The following RIC1 variants were observed in gnomAD, a reference collection of about 807,000 sequenced individuals.
RIC1 encodes guanine nucleotide exchange factor subunit RIC1.
A neutral mutation model predicts 169.0 loss-of-function variants in RIC1; 88 were observed. The ratio of observed to expected loss-of-function variants is 0.52; its 90% CI spans 0.44 to 0.62. The LOEUF is 0.62. Ranked by LOEUF, RIC1 falls within the 20% of genes least tolerant of loss-of-function variation. The pLI is 0.00. For synonymous variants in RIC1, 790 were observed against 601.5 expected (o/e 1.31, Z -4.59); for missense variants, 1,877 against 1,725.5 (o/e 1.09, Z -1.56).
At chr9:5,644,349 CATA>C (rs1025551313) in intron 1 of RIC1, among the ~76,000 whole-genome samples, 4 of 152,086 alleles carry the variant, frequency 2.6e-5, no homozygotes, top group African/African-American at 7.2e-5. Context: ...TTTTATTTAG[CATA>C]ATGTTTTTGA....
intron 4 of RIC1, among the ~76,000 whole-genome samples, chr9:5,718,695 C>T (rs921307528): frequency 6.6e-6 from 1 of 152,140 alleles, no homozygotes; most frequent in Non-Finnish European, 1.5e-5. Context: ...AAATGATACA[C>T]ATAGATTTTA....
chr9:5,636,084 A>T (rs1469856238), intron 1 of RIC1, among the ~76,000 whole-genome samples: 1 of 152,184 alleles, frequency 6.6e-6, no homozygotes, highest in Admixed American at 6.5e-5. Context: ...TTTTCTGTTT[A>T]TGTGAAAATA....
chr9:5,629,321 G>A lies in RIC1; in HGVS notation c.12G>A (p.Leu4=). The A allele has an allele frequency of 6.6e-7, 1 of 1,524,004 alleles. No homozygotes were observed. Among genetic ancestry groups the A allele is most frequent in the African/African-American group, 1.4e-5 (1 of 71,682 alleles). The allele number at this position is 1,524,004 out of a possible 1,614,324, so 94.4% of individuals were successfully genotyped here. A position where few individuals can be genotyped will look rare whatever the true frequency, so the allele number is the denominator to read the frequency against. MYF[L]SGWPKRLLCP... is the part of the protein sequence containing the mutation. ...GCTCCGCACGGACCATGTATTTTCT[G>A]AGCGGCTGGCCCAAGAGGCTGCTGT... is the stretch of plus-strand genomic sequence containing the variant. Residue 4 remains leucine, a synonymous_variant, in exon 1 of 26, where the codon CTG becomes CTA. Transcript: ENST00000414202.
rs763515150 is a variant in RIC1, at chr9:5,772,741, G to A, written c.3794G>A (p.Arg1265Gln). 1 of 1,604,240 alleles carries A rather than the reference G, an allele frequency of 6.2e-7. No individual in the cohort carries two copies. The highest frequency in any genetic ancestry group is 1.1e-5 in the South Asian group (1 of 89,198). Residue 1265 changes from arginine (R) to glutamine (Q), a missense_variant and splice_region_variant, in exon 24 of 26, where the codon CGG becomes CAG. This residue lies in a region of RIC1 where 681 missense variants were observed against 582.0 expected (regional missense o/e 1.17). Coordinates refer to ENST00000414202, the MANE Select transcript of RIC1 (RefSeq NM_020829.4). ...CCTCATAAATCCCAGGTCCAGCTTC[G>A]GTGAGTTTCTTGGCTATTTGAAATC... is the stretch of plus-strand genomic sequence containing the variant. ...KGPHKSQVQL[R>Q]YLLHIFMEAG...
Position 5,631,873 on chromosome 9 carries a change from ATGTAAGTTAATTAGGT to A in RIC1, c.144+2422_144+2437del, listed in dbSNP as rs553110980. 4.6e-5 allele frequency among the ~76,000 whole-genome samples: 7 copies of A among 152,298 alleles called. No individual in the cohort carries two copies. The East Asian group carries it at 1.4e-3, about 29-fold the overall frequency. On this transcript the variant is annotated intron_variant, in intron 1 of 25. Transcript: ENST00000414202. ...TCTAATTTGTAAACTTCCTGAAAGT[ATGTAAGTTAATTAGGT>A]TAACAAACTTCATTTAAAAGTGAAA...
At chr9:5,675,184 G>T (rs772925423) in intron 2 of RIC1, among the ~76,000 whole-genome samples, 13 of 152,148 alleles carry the variant, frequency 8.5e-5, no homozygotes, top group Admixed American at 7.2e-4. Flanking sequence ...ATTCCGATTG[G>T]CTAATTTAAA....
At chr9:5,640,569 A>G (rs1295810995) in intron 1 of RIC1, among the ~76,000 whole-genome samples, 1 of 152,224 alleles carries the variant, frequency 6.6e-6, no homozygotes. Context: ...TAAAATAAGA[A>G]TCATTGTTAG....
At chr9:5,631,353 G>T (rs1162420894) in intron 1 of RIC1, among the ~76,000 whole-genome samples, 1 of 152,090 alleles carries the variant, frequency 6.6e-6, no homozygotes, top group African/African-American at 2.4e-5. Context: ...TAGAGGTCTG[G>T]AGTGAAATGA....
chr9:5,633,669 ACAAT>A (rs1817830129), intron 1 of RIC1, among the ~76,000 whole-genome samples: 1 of 152,174 alleles, frequency 6.6e-6, no homozygotes, highest in Non-Finnish European at 1.5e-5. Flanking sequence ...GTTGATAATC[ACAAT>A]CAGTCTAATT....
Position 5,775,626 on chromosome 9 carries a change from C to G in RIC1, c.*1380C>G, listed in dbSNP as rs992455338. The stretch of plus-strand genomic sequence containing the variant: ...GTTTAGAAACAAAACTTGGTCCTCT[C>G]TCCTTGCTTTTTAAAGTAAATGGCT... On this transcript the variant is annotated 3_prime_UTR_variant, in exon 26 of 26. Transcript: ENST00000414202. 1 of 152,178 alleles carries G rather than the reference C, an allele frequency of 6.6e-6. No individual in the cohort carries two copies. The highest frequency in any genetic ancestry group is 1.5e-5 in the Non-Finnish European group (1 of 68,028). The allele number at this position is 152,178 out of a possible 1,614,324, so 9.4% of individuals were successfully genotyped here.
chr9:5,638,217 T>C (rs554005917), intron 1 of RIC1, among the ~76,000 whole-genome samples: 44 of 152,342 alleles, frequency 2.9e-4, no homozygotes, highest in African/African-American at 1.0e-3. Context: ...TGATGAATGA[T>C]CTTTTTAATA....
intron 23 of RIC1, 97 bp from the exon 24 acceptor site, chr9:5,772,467 G>A (rs1283446060): frequency 2.1e-6 from 2 of 974,208 alleles, no homozygotes; most frequent in African/African-American, 3.3e-5. Context: ...TCAAGATCCT[G>A]AGAAATCAAC....
chr9:5,701,699 TG>T (rs1822231801), intron 3 of RIC1, among the ~76,000 whole-genome samples: 1 of 152,228 alleles, frequency 6.6e-6, no homozygotes, highest in African/African-American at 2.4e-5. Context: ...ACTTTTGCTC[TG>T]TATAATTCGT....
At chr9:5,718,073 G>A (rs1452636572) in intron 4 of RIC1, among the ~76,000 whole-genome samples, 3 of 131,950 alleles carry the variant, frequency 2.3e-5, no homozygotes, top group Non-Finnish European at 3.1e-5. Flanking sequence ...CTGGGAGGCA[G>A]AGGTTGCAGT....
chr9:5,717,088 C>A (rs557771269), intron 4 of RIC1, among the ~76,000 whole-genome samples: 1 of 152,290 alleles, frequency 6.6e-6, no homozygotes, highest in East Asian at 1.9e-4. Context: ...TCTGCTAATT[C>A]CAATATCAAG....
At chr9:5,751,522 A>AT (rs1243576613) in intron 12 of RIC1, among the ~76,000 whole-genome samples, 10 of 151,514 alleles carry the variant, frequency 6.6e-5, no homozygotes, top group African/African-American at 2.2e-4. Flanking sequence ...CGCCTGGCTA[A>AT]TTTTTGTATT....
intron 3 of RIC1, among the ~76,000 whole-genome samples, chr9:5,696,176 A>G (rs887841300): frequency 6.6e-6 from 1 of 152,112 alleles, no homozygotes; most frequent in African/African-American, 2.4e-5. Flanking sequence ...TGTCTATTAA[A>G]AAAGCTTATT....
intron 2 of RIC1, among the ~76,000 whole-genome samples, chr9:5,680,106 T>C (rs1820724192): frequency 6.6e-6 from 1 of 152,172 alleles, no homozygotes. Context: ...AATCATGTGG[T>C]TTTTGTCTTT....
At chr9:5,667,258 G>C (rs539318981) in intron 2 of RIC1, among the ~76,000 whole-genome samples, 11 of 152,228 alleles carry the variant, frequency 7.2e-5, no homozygotes, top group African/African-American at 2.2e-4. Context: ...GGAGTTCAAG[G>C]TTACCATGAG....
Sources: gnomAD v4.1 joint callset for allele counts (sites outside exome capture counted in the v4.1 genomes callset) on GRCh38, gnomAD v4.1.1 for gene constraint, gnomAD v4.1.1 regional missense constraint, MANE v1.5 for transcripts, NCBI Gene and HGNC (gene_info 2026-07-23, HGNC 2026-07-21) for gene names.